Variants in DPP6 observed in about 807,000 individuals in gnomAD.
DPP6 encodes dipeptidyl peptidase like 6.
DPP6 carries 69 observed loss-of-function variants against 122.6 expected under a neutral mutation model. The observed-to-expected ratio is 0.56, with a 90% CI of 0.46 to 0.69. DPP6 has a LOEUF of 0.69. Among genes scored for constraint, DPP6 ranks in the 30% least tolerant of loss-of-function variants. The probability of loss-of-function intolerance (pLI) is 0.00; values close to 1 mark genes in which losing one functional copy is unlikely to be tolerated. For synonymous variants in DPP6, 418 were observed against 433.1 expected (o/e 0.97, Z 0.43); for missense variants, 928 against 1,116.9 (o/e 0.83, Z 2.41).
At chr7:154,206,091 G>A (rs2150796811) in intron 1 of DPP6, among the ~76,000 whole-genome samples, 1 of 152,324 alleles carries the variant, frequency 6.6e-6, no homozygotes, top group African/African-American at 2.4e-5. Flanking sequence ...AGCAGCCAAA[G>A]GGCAGGATGT....
chr7:153,843,278 G>A, the DPP6 span, among the ~76,000 whole-genome samples: 260 of 147,678 alleles, frequency 1.8e-3, 1 homozygote, highest in African/African-American at 4.8e-3. Context: ...GCATGCGCGC[G>A]CGCACACACA....
intron 5 of DPP6, among the ~76,000 whole-genome samples, chr7:154,583,061 C>T (rs1268333054): frequency 6.6e-6 from 1 of 152,178 alleles, no homozygotes; most frequent in Non-Finnish European, 1.5e-5. Context: ...CCCCTGAGCC[C>T]ACTGGTAACT....
chr7:153,912,511 G>T (rs1054056021), intron 1 of DPP6, among the ~76,000 whole-genome samples: 1 of 152,116 alleles, frequency 6.6e-6, no homozygotes, highest in African/African-American at 2.4e-5. Context: ...TTTGAATTTG[G>T]TGCTTAGAAG....
At chr7:154,572,619 A>G (rs1191995677) in intron 5 of DPP6, among the ~76,000 whole-genome samples, 2 of 139,616 alleles carry the variant, frequency 1.4e-5, no homozygotes, top group African/African-American at 5.5e-5. Context: ...CAGGTTCAAG[A>G]GATTCTCCTA....
At chr7:154,092,529 A>G (rs898653502) in intron 1 of DPP6, 1 of 149,496 alleles carries the variant, frequency 6.7e-6, no homozygotes, top group South Asian at 2.2e-4. Flanking sequence ...TTTTCTGTAC[A>G]GTGCCCATCA....
chr7:153,819,926 G>A, the DPP6 span, among the ~76,000 whole-genome samples: 2 of 151,854 alleles, frequency 1.3e-5, no homozygotes, highest in African/African-American at 4.8e-5. Context: ...TTATTCTCCT[G>A]TTGTTGGTAT....
At chr7:154,321,784 CAAA>C (rs1180440495) in intron 1 of DPP6, among the ~76,000 whole-genome samples, 81 of 63,018 alleles carry the variant, frequency 1.3e-3, no homozygotes, top group African/African-American at 3.0e-3. Context: ...GACTCTGTCT[CAAA>C]AAAAAAAAAA....
At chr7:153,902,809 C>G (rs955492577) in intron 1 of DPP6, among the ~76,000 whole-genome samples, 1 of 151,844 alleles carries the variant, frequency 6.6e-6, no homozygotes, top group African/African-American at 2.4e-5. Context: ...GCACTCCAGC[C>G]TGGGTAACAA....
intron 1 of DPP6, among the ~76,000 whole-genome samples, chr7:153,989,984 CCCCCCTGCCAGCCTTGCCCTCAGTCCTG>C (rs1797077150): frequency 7.4e-6 from 1 of 134,766 alleles, no homozygotes; most frequent in Non-Finnish European, 1.6e-5. Context: ...CAACAGCTCA[CCCCCCTGCCAGCCTTGCCCTCAGTCCTG>C]CCCCCTGCCG....
intron 1 of DPP6, among the ~76,000 whole-genome samples, chr7:154,194,195 C>A (rs1798750030): frequency 6.6e-6 from 1 of 152,126 alleles, no homozygotes; most frequent in Non-Finnish European, 1.5e-5. Context: ...CTTGAAAAAG[C>A]AACACACTTC....
At chr7:154,117,755 G>A (rs1217634455) in intron 1 of DPP6, among the ~76,000 whole-genome samples, 2 of 151,120 alleles carry the variant, frequency 1.3e-5, no homozygotes, top group Non-Finnish European at 3.0e-5. Flanking sequence ...CAGTGGTGTG[G>A]GTGGGAGAAT....
intron 1 of DPP6, among the ~76,000 whole-genome samples, chr7:154,235,075 A>G (rs1201931412): frequency 1.3e-5 from 2 of 152,324 alleles, no homozygotes; most frequent in East Asian, 3.9e-4. Flanking sequence ...CATACAATTA[A>G]ACGTTGTTTA....
intron 3 of DPP6, among the ~76,000 whole-genome samples, chr7:154,501,164 G>A (rs1295802896): frequency 6.6e-6 from 1 of 152,146 alleles, no homozygotes; most frequent in Non-Finnish European, 1.5e-5. Flanking sequence ...CATTCAAGAG[G>A]TGACCTGGGT....
chr7:154,515,076 G>T (rs1399536246), intron 3 of DPP6, among the ~76,000 whole-genome samples: 1 of 152,182 alleles, frequency 6.6e-6, no homozygotes, highest in Non-Finnish European at 1.5e-5. Context: ...GCCTTAAAAT[G>T]CTTAATGTAC....
At position 154,624,068 on chromosome 7, in the gene DPP6, G is replaced by A. The variant is rs1053459538; in HGVS notation, c.628-13753G>A. Among the ~76,000 whole-genome samples the A allele has an allele frequency of 6.6e-6, 1 of 152,038 alleles. No homozygotes were observed. The highest frequency in any genetic ancestry group is 2.4e-5 in the African/African-American group (1 of 41,386). ...AATTAGGCCGGGTGTAGTGGCTCACGCCAGTAATCCCAGCATTTGGAGAGG... is the reference window on the plus strand; with the variant it reads ...AATTAGGCCGGGTGTAGTGGCTCACACCAGTAATCCCAGCATTTGGAGAGG... On this transcript the variant is annotated intron_variant, in intron 5 of 25. Coordinates refer to ENST00000377770, the MANE Select transcript of DPP6 (RefSeq NM_130797.4). This position sits in a 1 kb window ranked among gnomAD's most constrained non-coding sequence, Gnocchi z 4.7.
At chr7:153,822,702 G>A in the DPP6 span, among the ~76,000 whole-genome samples, 24 of 152,108 alleles carry the variant, frequency 1.6e-4, no homozygotes, top group Non-Finnish European at 2.9e-4. Flanking sequence ...TTAAACTACC[G>A]GCTGTGGTGG....
intron 1 of DPP6, among the ~76,000 whole-genome samples, chr7:154,028,063 G>C: frequency 6.6e-6 from 1 of 151,360 alleles, no homozygotes; most frequent in Admixed American, 6.6e-5. Flanking sequence ...ACCACCGGCC[G>C]GTGCTCCCAT....
At chr7:154,315,612 T>A (rs530277040) in intron 1 of DPP6, among the ~76,000 whole-genome samples, 1 of 152,130 alleles carries the variant, frequency 6.6e-6, no homozygotes, top group East Asian at 1.9e-4. Flanking sequence ...CCAGCAGCCA[T>A]CACCTCTGGG....
intron 1 of DPP6, among the ~76,000 whole-genome samples, chr7:154,009,888 A>G (rs528551548): frequency 2.0e-5 from 3 of 151,994 alleles, no homozygotes; most frequent in East Asian, 3.9e-4. Flanking sequence ...GTAGGCAGTG[A>G]CAACTTTATA....
Sources: gnomAD v4.1 joint callset for allele counts (sites outside exome capture counted in the v4.1 genomes callset) on GRCh38, gnomAD v4.1.1 for gene constraint, Gnocchi (gnomAD v3.1) non-coding constraint, MANE v1.5 for transcripts, NCBI Gene and HGNC (gene_info 2026-07-23, HGNC 2026-07-21) for gene names.